The following E2F6 variants were observed in gnomAD, a reference collection of about 807,000 sequenced individuals.
The protein encoded by E2F6 is transcription factor E2F6.
Under a neutral mutation model 31.5 loss-of-function variants are expected in E2F6, and 19 were observed. The observed-to-expected ratio is 0.60, with a 90% confidence interval of 0.42 to 0.89. E2F6 has a LOEUF of 0.89. E2F6 is among the 40% of genes least tolerant of loss of function. The pLI is 0.00. For synonymous variants in E2F6, 121 were observed against 127.7 expected (o/e 0.95, Z 0.36); for missense variants, 269 against 341.6 (o/e 0.79, Z 1.67).
At chr2:11,456,813 C>T (rs955057989) in intron 2 of E2F6, among the ~76,000 whole-genome samples, 3 of 152,100 alleles carry the variant, frequency 2.0e-5, no homozygotes, top group East Asian at 3.9e-4. Context: ...TGAGGTGGGG[C>T]GGTCTATCAT....
chr2:11,462,456 A>C (rs1671842621), intron 1 of E2F6, among the ~76,000 whole-genome samples: 3 of 152,234 alleles, frequency 2.0e-5, no homozygotes, highest in Admixed American at 2.0e-4. Flanking sequence ...TCTCTCTCTC[A>C]AAATATCTTA....
At chr2:11,450,586 G>T (rs1670999330) in intron 4 of E2F6, among the ~76,000 whole-genome samples, 1 of 152,056 alleles carries the variant, frequency 6.6e-6, no homozygotes. Context: ...TCTATAAAAA[G>T]GCATAAACGA....
At chr2:11,461,863 G>A (rs1295533651) in intron 1 of E2F6, among the ~76,000 whole-genome samples, 1 of 152,178 alleles carries the variant, frequency 6.6e-6, no homozygotes, top group Non-Finnish European at 1.5e-5. Context: ...GACAATAGGA[G>A]CAACCAACCA....
At chr2:11,458,505 A>G (rs1200552738) in intron 1 of E2F6, among the ~76,000 whole-genome samples, 1 of 152,270 alleles carries the variant, frequency 6.6e-6, no homozygotes, top group African/African-American at 2.4e-5. Flanking sequence ...CTGGCACCAC[A>G]TAAAACTAAT....
At chr2:11,455,479 A>G (rs1363706903) in intron 2 of E2F6, 3 of 1,296,754 alleles carry the variant, frequency 2.3e-6, no homozygotes, top group Non-Finnish European at 3.1e-6. Context: ...CCTACACTTA[A>G]GATTAAATAG....
chr2:11,460,670 A>T (rs759075224), intron 1 of E2F6, among the ~76,000 whole-genome samples: 1 of 152,216 alleles, frequency 6.6e-6, no homozygotes, highest in Non-Finnish European at 1.5e-5. Flanking sequence ...TTGCGTGAAC[A>T]TCATAGAGTG....
chr2:11,459,117 T>G (rs1406415289), intron 1 of E2F6, among the ~76,000 whole-genome samples: 1 of 152,194 alleles, frequency 6.6e-6, no homozygotes, highest in Non-Finnish European at 1.5e-5. Context: ...AAATCCATCC[T>G]TATCACATTG....
chr2:11,455,944 G>C (rs1288176314), intron 2 of E2F6, among the ~76,000 whole-genome samples: 2 of 152,188 alleles, frequency 1.3e-5, no homozygotes, highest in Non-Finnish European at 2.9e-5. Context: ...CTGTGACAGA[G>C]GGTGAGGGGC....
intron 1 of E2F6, among the ~76,000 whole-genome samples, chr2:11,465,272 T>C (rs1425782980): frequency 1.3e-5 from 2 of 151,658 alleles, no homozygotes; most frequent in East Asian, 3.9e-4. Flanking sequence ...CAGCATCTGG[T>C]CCTGAACAAG....
intron 3 of E2F6, 39 bp from the exon 4 acceptor site, chr2:11,451,845 G>C: frequency 6.4e-7 from 1 of 1,570,538 alleles, no homozygotes; most frequent in Non-Finnish European, 8.7e-7. Flanking sequence ...ATACCAACTA[G>C]GAGATAACAA....
chr2:11,461,420 C>T (rs1269211399), intron 1 of E2F6, among the ~76,000 whole-genome samples: 2 of 152,182 alleles, frequency 1.3e-5, no homozygotes, highest in Admixed American at 6.5e-5. Flanking sequence ...GGCACAATCT[C>T]GGCTCACTGC....
chr2:11,453,573 G>C lies in E2F6; in HGVS notation c.380+9C>G. ...ACAAAAGCCACGAAAAAGTTTGAAAGCAACTCACATCCATCTAATATGGTT... is the reference window on the plus strand; with the variant it reads ...ACAAAAGCCACGAAAAAGTTTGAAACCAACTCACATCCATCTAATATGGTT... On this transcript the variant is annotated intron_variant, in intron 3 of 6. Coordinates refer to ENST00000381525, the MANE Select transcript of E2F6 (RefSeq NM_198256.4). The C allele has an allele frequency of 6.2e-7, 1 of 1,612,080 alleles. No individual in the cohort carries two copies. Among genetic ancestry groups the C allele is most frequent in the Non-Finnish European group, 8.5e-7 (1 of 1,178,964 alleles).
intron 4 of E2F6, 23 bp from the exon 5 acceptor site, chr2:11,450,149 T>G: frequency 4.6e-6 from 7 of 1,510,032 alleles, no homozygotes; most frequent in Non-Finnish European, 6.4e-6. Flanking sequence ...CAAGGATCTC[T>G]ACACAGAATG....
At chr2:11,446,786 T>C (rs554400069) in intron 6 of E2F6, among the ~76,000 whole-genome samples, 13 of 152,332 alleles carry the variant, frequency 8.5e-5, no homozygotes, top group African/African-American at 3.1e-4. Flanking sequence ...ATTAGTTTCT[T>C]TTGGAGCCGT....
intron 1 of E2F6, among the ~76,000 whole-genome samples, chr2:11,465,007 C>G (rs529719989): frequency 2.0e-5 from 3 of 151,628 alleles, no homozygotes; most frequent in African/African-American, 7.3e-5. Context: ...GGCGAAATCC[C>G]GTCTCTACTA....
chr2:11,462,482 C>T (rs542762710), intron 1 of E2F6, among the ~76,000 whole-genome samples: 2 of 152,210 alleles, frequency 1.3e-5, no homozygotes, highest in African/African-American at 2.4e-5. Context: ...TAGATCTTAG[C>T]GACCTCAGAA....
intron 1 of E2F6, among the ~76,000 whole-genome samples, chr2:11,459,484 ATTTG>A (rs1395070547): frequency 6.6e-6 from 1 of 152,106 alleles, no homozygotes; most frequent in Non-Finnish European, 1.5e-5. Flanking sequence ...AAGAGCATTC[ATTTG>A]TTTTTTTTTC....
intron 2 of E2F6, among the ~76,000 whole-genome samples, chr2:11,454,025 T>C (rs1671237907): frequency 6.6e-6 from 1 of 152,188 alleles, no homozygotes; most frequent in African/African-American, 2.4e-5. Context: ...AAAGGAGGAT[T>C]TGAAATATGC....
At position 11,453,711 on chromosome 2, in the gene E2F6, C is replaced by G; in HGVS notation, c.251G>C (p.Gly84Ala). 7 of 1,614,092 alleles carry G rather than the reference C, an allele frequency of 4.3e-6. No homozygotes were observed. The highest frequency in any genetic ancestry group is 5.9e-6 in the Non-Finnish European group (7 of 1,180,040). Residue 84 changes from glycine (G) to alanine (A), a missense_variant, in exon 3 of 7, where the codon GGG (glycine) becomes GCG (alanine). Gly to Ala is a moderately conservative substitution (Grantham distance 60). Transcript: ENST00000381525. ...AACCTTGTTTAAGTCAAGAATACCC[C>G]CGGGAGCAGATCTGACAAGATCCAT... ...KFMDLVRSAP[G>A]GILDLNKVAT...
Sources: allele counts gnomAD v4.1 joint callset (sites outside exome capture counted in the v4.1 genomes callset), GRCh38; gene constraint gnomAD v4.1.1; transcripts MANE v1.5; gene names NCBI Gene and HGNC (gene_info 2026-07-23, HGNC 2026-07-21).